The following MIGA2 variants were observed in gnomAD, a reference collection of about 807,000 sequenced individuals.
MIGA2 encodes mitoguardin 2.
Under a neutral mutation model 69.9 loss-of-function variants are expected in MIGA2, and 36 were observed. The ratio of observed to expected loss-of-function variants is 0.52; its 90% confidence interval spans 0.39 to 0.68. The LOEUF (loss-of-function observed/expected upper bound fraction) is 0.68, where lower values mean the gene tolerates loss of function less well. MIGA2 is among the 30% of genes least tolerant of loss of function. MIGA2 has a pLI of 0.00. For synonymous variants in MIGA2, 333 were observed against 349.2 expected (o/e 0.95, Z 0.52); for missense variants, 660 against 787.7 (o/e 0.84, Z 1.94).
chr9:129,068,281 G>A lies in MIGA2; in HGVS notation c.1353G>A (p.Ser451=), dbSNP rs200006609. Reference sequence around the variant, plus strand: ...AGGACCTGGAGAACCCTCCGGCCTCGGTGCTCGCCGTCCTGCGGAACCGCT... The same window carrying A: ...AGGACCTGGAGAACCCTCCGGCCTCAGTGCTCGCCGTCCTGCGGAACCGCT... ...AFEDLENPPA[S]VLAVLRNRWL... Residue 451 remains serine (S), a synonymous_variant, in exon 13 of 16, where the codon TCG becomes TCA. Transcript: ENST00000684074. This position sits in a 1 kb window ranked among gnomAD's most constrained non-coding sequence, Gnocchi z 4.1. 30 of 1,612,148 alleles carry A rather than the reference G, an allele frequency of 1.9e-5. No individual in the cohort carries two copies. Among genetic ancestry groups the A allele is most frequent in the East Asian group, 1.6e-4 (7 of 44,860 alleles).
chr9:129,062,921 G>C (rs1053146065), intron 9 of MIGA2, among the ~76,000 whole-genome samples: 3 of 152,200 alleles, frequency 2.0e-5, no homozygotes, highest in South Asian at 2.1e-4. Flanking sequence ...CACATCTGCT[G>C]TCAGGAGGCA....
At chr9:129,055,418 T>G (rs1245992522) in intron 6 of MIGA2, among the ~76,000 whole-genome samples, 1 of 152,180 alleles carries the variant, frequency 6.6e-6, no homozygotes, top group Non-Finnish European at 1.5e-5. Context: ...TAAAGACTAG[T>G]ATCTACATAT....
At position 129,060,769 on chromosome 9, in the gene MIGA2, G is replaced by A; in HGVS notation, c.894+119G>A. On this transcript the variant is annotated intron_variant, in intron 8 of 15. Coordinates refer to ENST00000684074, the MANE Select transcript of MIGA2 (RefSeq NM_001329990.2). The surrounding 1 kb of genome is among the most constrained non-coding windows in gnomAD (Gnocchi z 4.8). ...GGCATTTCCTCTGATGGGAGAATTT[G>A]GATGCTCCCACGGGCCTCCTCGAAG... 6 of 875,132 alleles carry A rather than the reference G, an allele frequency of 6.9e-6. No individual in the cohort carries two copies. The highest frequency in any genetic ancestry group is 1.1e-5 in the Non-Finnish European group (6 of 568,808). The allele number at this position is 875,132 out of a possible 1,614,324, so 54.2% of individuals were successfully genotyped here.
Position 129,060,666 on chromosome 9 carries a change from G to C in MIGA2, c.894+16G>C, listed in dbSNP as rs1475247861. 1.3e-6 allele frequency: 2 copies of C among 1,563,534 alleles called. No homozygotes were observed. Among genetic ancestry groups the C allele is most frequent in the Non-Finnish European group, 1.7e-6 (2 of 1,152,952 alleles). ...CGCCACCGAGGTGACTCGGGGTGGGGACCAAGCCTGGGGTGGGGTGAAGGC... is the reference window on the plus strand; with the variant it reads ...CGCCACCGAGGTGACTCGGGGTGGGCACCAAGCCTGGGGTGGGGTGAAGGC... On this transcript the variant is annotated intron_variant, in intron 8 of 15. Coordinates refer to ENST00000684074, the MANE Select transcript of MIGA2 (RefSeq NM_001329990.2). The surrounding 1 kb of genome is among the most constrained non-coding windows in gnomAD (Gnocchi z 4.8).
intron 3 of MIGA2, chr9:129,047,113 CCT>C (rs1279804234): frequency 1.3e-5 from 2 of 151,362 alleles, no homozygotes; most frequent in South Asian, 2.1e-4. Context: ...AGAGTCTCAC[CCT>C]GTCGCCCAGG....
chr9:129,066,180 C>T (rs1352174147), intron 11 of MIGA2, among the ~76,000 whole-genome samples: 1 of 152,128 alleles, frequency 6.6e-6, no homozygotes, highest in African/African-American at 2.4e-5. Context: ...GGCGGCTTGT[C>T]CAGGGTACTG....
At chr9:129,056,794 A>C (rs934311184) in intron 6 of MIGA2, among the ~76,000 whole-genome samples, 3 of 152,110 alleles carry the variant, frequency 2.0e-5, no homozygotes, top group Non-Finnish European at 4.4e-5. Flanking sequence ...CTGGGATTAC[A>C]GGCATGAGCC....
intron 2 of MIGA2, 122 bp from the exon 3 acceptor site, chr9:129,042,182 C>G (rs1350929561): frequency 1.1e-6 from 1 of 934,318 alleles, no homozygotes. Context: ...AGTCTCTCAT[C>G]TGGTCGGCAG....
Position 129,060,392 on chromosome 9 carries a change from G to T in MIGA2, c.794-158G>T. The T allele has an allele frequency of 1.6e-6, 1 of 614,744 alleles. No homozygotes were observed. 38.1% of individuals were successfully genotyped at this position (614,744 alleles called of 1,614,324 possible). A position where few individuals can be genotyped will look rare whatever the true frequency, so the allele number is the denominator to read the frequency against. On this transcript the variant is annotated intron_variant, in intron 7 of 15. Coordinates refer to ENST00000684074, the MANE Select transcript of MIGA2 (RefSeq NM_001329990.2). The surrounding 1 kb of genome is among the most constrained non-coding windows in gnomAD (Gnocchi z 4.8). ...GCGAGGAGTCCAGCGTCCTCACACA[G>T]AAGCGCTTGGCACGTCAGAGCTTTG...
chr9:129,054,690 CTGTTT>C (rs1369930780), intron 6 of MIGA2, among the ~76,000 whole-genome samples: 1 of 152,118 alleles, frequency 6.6e-6, no homozygotes, highest in African/African-American at 2.4e-5. Flanking sequence ...GCATGAATCA[CTGTTT>C]TGTTTCTGTT....
chr9:129,048,342 A>C (rs1845340756), intron 3 of MIGA2, 85 bp from the exon 4 acceptor site: 1 of 1,110,320 alleles, frequency 9.0e-7, no homozygotes, highest in South Asian at 1.3e-5. Context: ...ATGAGGAAGA[A>C]GGGGAAGGTG....
rs1016806914 is a variant in MIGA2 at position 129,061,418 on chromosome 9, A to G, written c.1010+72A>G. The G allele has an allele frequency of 2.9e-6, 4 of 1,391,590 alleles. No individual in the cohort carries two copies. Among genetic ancestry groups the G allele is most frequent in the Non-Finnish European group, 3.9e-6 (4 of 1,013,590 alleles). 86.2% of individuals were successfully genotyped at this position (1,391,590 alleles called of 1,614,324 possible). A position where few individuals can be genotyped will look rare whatever the true frequency, so the allele number is the denominator to read the frequency against. ...TGATTCTGGCCCTTGCGGGAGGCGG[A>G]GAAGCCAGCGGTGCTTGGCGAGGAC... On this transcript the variant is annotated intron_variant, in intron 9 of 15. Transcript: ENST00000684074. This position sits in a 1 kb window ranked among gnomAD's most constrained non-coding sequence, Gnocchi z 5.0.
chr9:129,044,398 T>C (rs2131346416), intron 3 of MIGA2, among the ~76,000 whole-genome samples: 1 of 152,206 alleles, frequency 6.6e-6, no homozygotes, highest in Middle Eastern at 3.4e-3. Context: ...CCTGTGTCCT[T>C]CTGTGTCAGC....
intron 3 of MIGA2, 23 bp from the exon 4 acceptor site, chr9:129,048,404 G>A (rs371781913): frequency 1.3e-5 from 21 of 1,599,610 alleles, no homozygotes; most frequent in Non-Finnish European, 1.6e-5. Context: ...CCTGTGTGAC[G>A]CCTGCCCTTC....
At chr9:129,043,085 T>C (rs1243217184) in intron 3 of MIGA2, among the ~76,000 whole-genome samples, 1 of 151,640 alleles carries the variant, frequency 6.6e-6, no homozygotes, top group African/African-American at 2.4e-5. Flanking sequence ...TCCCAGCTAC[T>C]CAGGAGGCTG....
chr9:129,052,897 G>A (rs1845621007), intron 6 of MIGA2, among the ~76,000 whole-genome samples: 1 of 152,164 alleles, frequency 6.6e-6, no homozygotes, highest in Admixed American at 6.6e-5. Context: ...TCCTGTCTGC[G>A]AGTCGGCAGG....
At chr9:129,036,790 G>A in intron 1 of MIGA2, 109 bp downstream of exon 1, 1 of 229,236 alleles carries the variant, frequency 4.4e-6, no homozygotes, top group African/African-American at 2.3e-5. Context: ...ACAGGACCAG[G>A]AAGGTGTCGG....
In MIGA2 at chr9:129,059,108, C is replaced by G. The variant is rs368805661; in HGVS notation, c.676-46C>G. 60 of 1,563,590 alleles carry G rather than the reference C, an allele frequency of 3.8e-5. No individual in the cohort carries two copies. The highest frequency in any genetic ancestry group is 3.0e-4 in the South Asian group (27 of 89,734). Reference sequence around the variant, plus strand: ...GGGTGAGGGAAGGGGCCATTTTCATCGGGAGCTTTGAGGGTCTGGGTTGAG... The same window carrying G: ...GGGTGAGGGAAGGGGCCATTTTCATGGGGAGCTTTGAGGGTCTGGGTTGAG... On this transcript the variant is annotated intron_variant, in intron 6 of 15. Transcript: ENST00000684074. The surrounding 1 kb of genome is among the most constrained non-coding windows in gnomAD (Gnocchi z 5.6).
chr9:129,038,245 A>G (rs6478858), intron 1 of MIGA2, among the ~76,000 whole-genome samples: 145,615 of 152,242 alleles, frequency 0.96, 69,664 homozygotes, highest in East Asian at 1. Flanking sequence ...ACACACCCCC[A>G]CCAGCCCTAG....
Sources: allele counts gnomAD v4.1 joint callset (sites outside exome capture counted in the v4.1 genomes callset), GRCh38; gene constraint gnomAD v4.1.1; non-coding constraint Gnocchi (gnomAD v3.1); transcripts MANE v1.5; gene names NCBI Gene and HGNC (gene_info 2026-07-23, HGNC 2026-07-21).